SMYD3: variants seen among roughly 807,000 people sequenced by gnomAD.
SMYD3 encodes SET and MYND domain containing 3, also known as histone-lysine N-methyltransferase SMYD3.
In SMYD3, 36 loss-of-function variants were observed where a neutral mutation model predicts 57.7. That is an observed-to-expected ratio of 0.62 (90% CI 0.48 to 0.82). SMYD3 has a LOEUF of 0.82. SMYD3 is among the 40% of genes least tolerant of loss of function. The pLI is 0.00. For synonymous variants in SMYD3, 211 were observed against 195.0 expected (o/e 1.08, Z -0.68); for missense variants, 515 against 538.8 (o/e 0.96, Z 0.44).
intron 5 of SMYD3, among the ~76,000 whole-genome samples, chr1:246,181,490 G>C (rs1028633712): frequency 2.0e-5 from 3 of 152,182 alleles, no homozygotes; most frequent in Admixed American, 2.0e-4. Context: ...CTGACATCTA[G>C]AGGACTCAGG....
chr1:245,838,654 T>C (rs781397300), intron 10 of SMYD3, among the ~76,000 whole-genome samples: 4 of 152,226 alleles, frequency 2.6e-5, no homozygotes, highest in African/African-American at 7.2e-5. Flanking sequence ...TCAAAGGGGC[T>C]CCTGCAAGTG....
intron 5 of SMYD3, among the ~76,000 whole-genome samples, chr1:246,107,040 C>A (rs1161212718): frequency 1.3e-5 from 2 of 151,364 alleles, no homozygotes; most frequent in African/African-American, 2.4e-5. Context: ...TGGCTCACGC[C>A]TGTAATCCCA....
intron 7 of SMYD3, among the ~76,000 whole-genome samples, chr1:245,926,881 T>G (rs1322283714): frequency 6.6e-6 from 1 of 152,166 alleles, no homozygotes; most frequent in East Asian, 1.9e-4. Context: ...GAGAAAAAAC[T>G]ACATTGTCCA....
intron 8 of SMYD3, among the ~76,000 whole-genome samples, chr1:245,885,702 C>T (rs2053051622): frequency 6.6e-6 from 1 of 152,096 alleles, no homozygotes; most frequent in African/African-American, 2.4e-5. Context: ...AGTTATGGGG[C>T]CACTATATAG....
At chr1:246,213,100 A>G (rs886388712) in intron 5 of SMYD3, among the ~76,000 whole-genome samples, 6 of 152,186 alleles carry the variant, frequency 3.9e-5, no homozygotes, top group Non-Finnish European at 8.8e-5. Flanking sequence ...AGAGAAATGA[A>G]TAAAATTAAA....
At chr1:246,331,619 A>G (rs190141721) in intron 3 of SMYD3, among the ~76,000 whole-genome samples, 17 of 152,352 alleles carry the variant, frequency 1.1e-4, no homozygotes, top group African/African-American at 3.6e-4. Context: ...TACCTTCTAC[A>G]TTAACATGGG....
chr1:245,943,734 T>C (rs1472020873), intron 5 of SMYD3, among the ~76,000 whole-genome samples: 1 of 152,116 alleles, frequency 6.6e-6, no homozygotes, highest in African/African-American at 2.4e-5. Context: ...AAATCCTCAA[T>C]AAAATACTGG....
intron 2 of SMYD3, among the ~76,000 whole-genome samples, chr1:246,348,060 T>TATATATATATATATATATA (rs1173574600): frequency 3.6e-5 from 3 of 83,006 alleles, no homozygotes; most frequent in African/African-American, 8.4e-5. Context: ...AAAGAAAACG[T>TATATATATATATATATATA]TATATATATA....
At chr1:245,778,008 A>G (rs1458390988) in intron 10 of SMYD3, among the ~76,000 whole-genome samples, 1 of 152,230 alleles carries the variant, frequency 6.6e-6, no homozygotes, top group African/African-American at 2.4e-5. Flanking sequence ...AAAATGATAC[A>G]AAGTGTCAAA....
chr1:246,037,396 T>C (rs575330269), intron 5 of SMYD3, among the ~76,000 whole-genome samples: 3 of 152,296 alleles, frequency 2.0e-5, no homozygotes, highest in South Asian at 4.1e-4. Context: ...ATCTGTGTCA[T>C]AGGAAGCTCA....
chr1:245,897,809 G>T (rs1162432637), intron 8 of SMYD3, among the ~76,000 whole-genome samples: 1 of 151,938 alleles, frequency 6.6e-6, no homozygotes, highest in Admixed American at 6.6e-5. Context: ...CAAGGCAGGA[G>T]AATTACTGAA....
chr1:245,767,915 A>C (rs1264421933), intron 10 of SMYD3, among the ~76,000 whole-genome samples: 2 of 152,246 alleles, frequency 1.3e-5, no homozygotes, highest in Non-Finnish European at 2.9e-5. Flanking sequence ...AGAAAATTGG[A>C]AAACAGACCC....
At chr1:245,750,760 G>A (rs1383747445) in intron 11 of SMYD3, among the ~76,000 whole-genome samples, 2 of 152,180 alleles carry the variant, frequency 1.3e-5, no homozygotes, top group East Asian at 3.9e-4. Context: ...GAGAAGGGAG[G>A]GACACCAGAA....
chr1:246,074,448 A>G (rs1034211540), intron 5 of SMYD3, among the ~76,000 whole-genome samples: 2 of 152,280 alleles, frequency 1.3e-5, no homozygotes, highest in Admixed American at 6.5e-5. Flanking sequence ...AGCTCCTCCC[A>G]TATATAACAT....
At chr1:246,114,779 C>G (rs1221654161) in intron 5 of SMYD3, among the ~76,000 whole-genome samples, 1 of 152,078 alleles carries the variant, frequency 6.6e-6, no homozygotes, top group Non-Finnish European at 1.5e-5. Context: ...TTACAGGCGC[C>G]CGCCACCACG....
intron 5 of SMYD3, among the ~76,000 whole-genome samples, chr1:246,238,812 A>G (rs1382591210): frequency 1.3e-5 from 2 of 151,850 alleles, no homozygotes; most frequent in African/African-American, 4.8e-5. Context: ...ATATTTGAGT[A>G]TCTTTCTATC....
chr1:245,911,673 A>G (rs1278069179), intron 8 of SMYD3, among the ~76,000 whole-genome samples: 1 of 152,070 alleles, frequency 6.6e-6, no homozygotes, highest in Non-Finnish European at 1.5e-5. Context: ...ATACATGGGA[A>G]CTAAAAAGAA....
intron 5 of SMYD3, chr1:245,930,449 G>A (rs2056646273): frequency 3.2e-6 from 1 of 311,502 alleles, no homozygotes; most frequent in Non-Finnish European, 6.1e-6. Flanking sequence ...GAAGACCACA[G>A]GGAGCACTGG....
chr1:246,450,585 C>T (rs1286421618), intron 1 of SMYD3, among the ~76,000 whole-genome samples: 1 of 152,216 alleles, frequency 6.6e-6, no homozygotes, highest in East Asian at 1.9e-4. Flanking sequence ...AGGCATTCCA[C>T]TGCACTTAAT....
Sources: gnomAD v4.1 joint callset for allele counts (sites outside exome capture counted in the v4.1 genomes callset) on GRCh38, gnomAD v4.1.1 for gene constraint, MANE v1.5 for transcripts, NCBI Gene and HGNC (gene_info 2026-07-23, HGNC 2026-07-21) for gene names.